The following KANK1 variants were observed in gnomAD, a reference collection of about 807,000 sequenced individuals.
KANK1 encodes the protein KN motif and ankyrin repeat domains 1.
A neutral mutation model predicts 106.2 loss-of-function variants in KANK1; 109 were observed. The ratio of observed to expected loss-of-function variants is 1.03; its 90% confidence interval spans 0.88 to 1.20. KANK1 has a LOEUF of 1.20. KANK1 is among the 50% of genes most tolerant of loss of function. The pLI is 0.00. For synonymous variants in KANK1, 873 were observed against 652.2 expected (o/e 1.34, Z -5.16); for missense variants, 2,399 against 1,710.7 (o/e 1.40, Z -7.10).
At position 711,079 on chromosome 9, in the gene KANK1, A is replaced by C. The variant is rs200846414; in HGVS notation, c.313A>C (p.Asn105His). 1.2e-6 allele frequency: 2 copies of C among 1,614,032 alleles called. No homozygotes were observed. The highest frequency in any genetic ancestry group is 1.7e-6 in the Non-Finnish European group (2 of 1,180,036). Residue 105 changes from asparagine (N) to histidine (H), a missense_variant, in exon 3 of 12, where the codon AAC becomes CAC. Asn to His is a moderately conservative substitution (Grantham distance 68, BLOSUM62 1). Coordinates refer to ENST00000382297, the MANE Select transcript of KANK1 (RefSeq NM_015158.5). The part of the protein sequence containing the change: ...SNSDDNKQCP[N>H]FLIARSQVTS... Reference sequence around the variant, plus strand: ...CAGTGATGACAACAAGCAGTGCCCCAACTTCCTCATAGCCAGAAGTCAAGT... The same window carrying C: ...CAGTGATGACAACAAGCAGTGCCCCCACTTCCTCATAGCCAGAAGTCAAGT...
chr9:611,561 C>T (rs902407659), intron 1 of KANK1, among the ~76,000 whole-genome samples: 1 of 152,210 alleles, frequency 6.6e-6, no homozygotes, highest in African/African-American at 2.4e-5. Flanking sequence ...TTCTTAATAA[C>T]ATAGGTATGT....
chr9:639,626 A>G lies in KANK1; in HGVS notation c.-83-37264A>G, dbSNP rs145964409. 1.1e-3 allele frequency among the ~76,000 whole-genome samples: 162 copies of G among 152,252 alleles called. 2 individuals are homozygous for G. The East Asian group carries it at 0.02, about 19-fold the overall frequency. ...GCCACTGCGCCTGGCCTGATCTTAG[A>G]TGATTTACCAAACAGTGCCACACCC... On this transcript the variant is annotated intron_variant, in intron 1 of 11. Coordinates refer to ENST00000382297, the MANE Select transcript of KANK1 (RefSeq NM_015158.5).
intron 1 of KANK1, among the ~76,000 whole-genome samples, chr9:652,549 G>T (rs776858318): frequency 3.9e-5 from 6 of 152,118 alleles, no homozygotes; most frequent in Non-Finnish European, 8.8e-5. Flanking sequence ...TGTTTGCAGT[G>T]TGAAGAAACA....
chr9:554,015 G>T (rs777361785), intron 1 of KANK1, among the ~76,000 whole-genome samples: 1 of 152,152 alleles, frequency 6.6e-6, no homozygotes, highest in Non-Finnish European at 1.5e-5. Flanking sequence ...TGGGACTGGC[G>T]TACAAATGTA....
At position 712,967 on chromosome 9, in the gene KANK1, G is replaced by A. The variant is rs368541566; in HGVS notation, c.2201G>A (p.Arg734Gln). Residue 734 changes from arginine (R) to glutamine (Q), a missense_variant, in exon 3 of 12, where the codon CGG (arginine) becomes CAG (glutamine). Coordinates refer to ENST00000382297, the MANE Select transcript of KANK1 (RefSeq NM_015158.5). ...GACATCAACTCCTCCACCAAGACGC[G>A]GTCCATTGGTGTTGGAACGTTGCTT... ...VKDINSSTKT[R>Q]SIGVGTLLSG... 1.4e-5 allele frequency: 23 copies of A among 1,614,036 alleles called. No homozygotes were observed. The highest frequency in any genetic ancestry group is 6.7e-5 in the East Asian group (3 of 44,900).
intron 1 of KANK1, among the ~76,000 whole-genome samples, chr9:510,692 G>A (rs1031171800): frequency 7.2e-5 from 11 of 152,168 alleles, no homozygotes; most frequent in South Asian, 2.1e-4. Flanking sequence ...GGAAGATACC[G>A]AAAATAAATG....
At chr9:578,299 A>G (rs1644541247) in intron 1 of KANK1, among the ~76,000 whole-genome samples, 1 of 151,188 alleles carries the variant, frequency 6.6e-6, no homozygotes, top group African/African-American at 2.4e-5. Context: ...TATGATTTGG[A>G]TTCTTGAGTC....
intron 1 of KANK1, among the ~76,000 whole-genome samples, chr9:581,311 C>G (rs933205918): frequency 2.0e-5 from 3 of 152,200 alleles, no homozygotes; most frequent in Non-Finnish European, 4.4e-5. Flanking sequence ...TGTCACCTCT[C>G]AATGCCTATC....
intron 1 of KANK1, among the ~76,000 whole-genome samples, chr9:654,981 G>A (rs1385015398): frequency 3.9e-5 from 6 of 152,154 alleles, no homozygotes. Flanking sequence ...GTAGCAGTTG[G>A]AATCTCCTGG....
intron 1 of KANK1, among the ~76,000 whole-genome samples, chr9:529,248 C>CACAG (rs2059948347): frequency 6.6e-6 from 1 of 151,096 alleles, no homozygotes; most frequent in African/African-American, 2.4e-5. Context: ...CACACACACA[C>CACAG]ACACACATAT....
chr9:604,404 G>A (rs1172198693), intron 1 of KANK1, among the ~76,000 whole-genome samples: 1 of 151,640 alleles, frequency 6.6e-6, no homozygotes, highest in Non-Finnish European at 1.5e-5. Flanking sequence ...CCTCCTGATA[G>A]CGAGGGAGTT....
chr9:567,686 T>C (rs1818145552), intron 1 of KANK1, among the ~76,000 whole-genome samples: 1 of 152,226 alleles, frequency 6.6e-6, no homozygotes, highest in Non-Finnish European at 1.5e-5. Flanking sequence ...AAGTCATCCA[T>C]GAGAATGTTT....
intron 2 of KANK1, among the ~76,000 whole-genome samples, chr9:703,036 G>A (rs1823081616): frequency 6.6e-6 from 1 of 152,080 alleles, no homozygotes; most frequent in Admixed American, 6.6e-5. Flanking sequence ...CTGTTGCCCA[G>A]GCTGGAATGC....
chr9:710,422 A>G (rs922902885), intron 2 of KANK1, among the ~76,000 whole-genome samples: 7 of 152,090 alleles, frequency 4.6e-5, no homozygotes, highest in Admixed American at 2.0e-4. Context: ...GTTCGAGACC[A>G]GCCTGGCCAA....
chr9:672,994 G>A (rs1485873781), intron 1 of KANK1, among the ~76,000 whole-genome samples: 1 of 152,120 alleles, frequency 6.6e-6, no homozygotes, highest in Non-Finnish European at 1.5e-5. Context: ...TTATTGATCT[G>A]TAACACAGGA....
At chr9:489,680 TA>T (rs2058346689) in intron 3 of KANK1, among the ~76,000 whole-genome samples, 1 of 152,210 alleles carries the variant, frequency 6.6e-6, no homozygotes, top group South Asian at 2.1e-4. Flanking sequence ...GTATTAGAGA[TA>T]ATAGAGGTAA....
intron 1 of KANK1, among the ~76,000 whole-genome samples, chr9:514,518 C>T (rs963082512): frequency 1.3e-5 from 2 of 150,824 alleles, no homozygotes; most frequent in African/African-American, 2.5e-5. Flanking sequence ...TATCATAGAT[C>T]AATTTAGTCA....
intron 1 of KANK1, among the ~76,000 whole-genome samples, chr9:614,104 C>T (rs1339598789): frequency 1.3e-5 from 2 of 152,164 alleles, no homozygotes; most frequent in African/African-American, 4.8e-5. Flanking sequence ...CCAGTGGCTG[C>T]AGGGTTTCCA....
intron 2 of KANK1, chr9:684,526 A>G (rs1219524695): frequency 3.0e-6 from 3 of 985,308 alleles, no homozygotes; most frequent in Non-Finnish European, 3.6e-6. Context: ...CCCTTCCTAC[A>G]AGGATTTGAA....
Sources: allele counts gnomAD v4.1 joint callset (sites outside exome capture counted in the v4.1 genomes callset), GRCh38; gene constraint gnomAD v4.1.1; transcripts MANE v1.5; gene names NCBI Gene and HGNC (gene_info 2026-07-23, HGNC 2026-07-21).